The following CSGALNACT1 variants were observed in gnomAD, a reference collection of about 807,000 sequenced individuals.
CSGALNACT1 encodes chondroitin sulfate N-acetylgalactosaminyltransferase 1, also known as beta4GalNAcT-1.
In CSGALNACT1, 52 loss-of-function variants were observed where a neutral mutation model predicts 51.0. The observed-to-expected ratio is 1.02, with a 90% confidence interval of 0.82 to 1.29. CSGALNACT1 has a LOEUF of 1.29. Ranked by LOEUF, CSGALNACT1 falls within the 50% of genes most tolerant of loss-of-function variation. The pLI is 0.00. For synonymous variants in CSGALNACT1, 341 were observed against 254.4 expected, an observed-to-expected ratio of 1.34 and a Z score of -3.24; for missense variants, 935 against 679.2, an observed-to-expected ratio of 1.38 and a Z score of -4.19.
intron 1 of CSGALNACT1, among the ~76,000 whole-genome samples, chr8:19,741,175 T>C (rs1351713958): frequency 6.6e-6 from 1 of 152,168 alleles, no homozygotes; most frequent in Non-Finnish European, 1.5e-5. Context: ...ACTTTAATCA[T>C]CTGCATGGAT....
intron 5 of CSGALNACT1, among the ~76,000 whole-genome samples, chr8:19,441,372 T>G (rs1036355598): frequency 6.6e-6 from 1 of 152,136 alleles, no homozygotes; most frequent in Non-Finnish European, 1.5e-5. Context: ...AAAACAGAGA[T>G]ATAGATCAAT....
At chr8:19,637,534 C>G (rs527403016) in intron 1 of CSGALNACT1, among the ~76,000 whole-genome samples, 1 of 152,294 alleles carries the variant, frequency 6.6e-6, no homozygotes, top group South Asian at 2.1e-4. Flanking sequence ...GCACTTAAAA[C>G]TTAATGTTAG....
chr8:19,553,582 C>T (rs190136977), intron 3 of CSGALNACT1, among the ~76,000 whole-genome samples: 1 of 131,386 alleles, frequency 7.6e-6, no homozygotes, highest in Non-Finnish European at 1.6e-5. Flanking sequence ...AAGCTCAAAC[C>T]ATATATATAT....
intron 3 of CSGALNACT1, among the ~76,000 whole-genome samples, chr8:19,547,565 C>T (rs757832892): frequency 6.0e-4 from 91 of 152,126 alleles, no homozygotes; most frequent in Non-Finnish European, 1.5e-4. Context: ...CCATGTAAGA[C>T]GTGCCTTTAG....
At chr8:19,479,225 A>G (rs952406723) in intron 4 of CSGALNACT1, among the ~76,000 whole-genome samples, 2 of 152,202 alleles carry the variant, frequency 1.3e-5, no homozygotes, top group African/African-American at 2.4e-5. Flanking sequence ...CCTTATATGA[A>G]GCTGGAATCA....
At chr8:19,659,499 A>G (rs7838462) in intron 1 of CSGALNACT1, among the ~76,000 whole-genome samples, 4,325 of 152,270 alleles carry the variant, frequency 0.028, 221 homozygotes, top group African/African-American at 0.097. Context: ...ACTATTTCCC[A>G]GGCATAGAAA....
chr8:19,731,443 G>A (rs755516467), intron 1 of CSGALNACT1, among the ~76,000 whole-genome samples: 2 of 152,110 alleles, frequency 1.3e-5, no homozygotes, highest in Non-Finnish European at 2.9e-5. Context: ...GGGAGGTGGA[G>A]GGTGCAGTGA....
At chr8:19,614,209 C>T (rs1267856358) in intron 1 of CSGALNACT1, among the ~76,000 whole-genome samples, 1 of 152,130 alleles carries the variant, frequency 6.6e-6, no homozygotes, top group Non-Finnish European at 1.5e-5. Flanking sequence ...ATTCAATACT[C>T]CTGACTGCCT....
intron 2 of CSGALNACT1, among the ~76,000 whole-genome samples, chr8:19,597,072 C>T (rs1210873915): frequency 1.3e-5 from 2 of 152,086 alleles, no homozygotes; most frequent in African/African-American, 4.8e-5. Flanking sequence ...CTAGGGACCA[C>T]ATATTAGTGG....
At chr8:19,606,853 C>A (rs2051444671), upstream of CSGALNACT1, among the ~76,000 whole-genome samples, 1 of 152,124 alleles carries the variant, frequency 6.6e-6, no homozygotes, top group Non-Finnish European at 1.5e-5. Flanking sequence ...TTTCCTTATA[C>A]TTTAAAGATT....
intron 1 of CSGALNACT1, among the ~76,000 whole-genome samples, chr8:19,694,015 C>A (rs1392903476): frequency 1.3e-5 from 2 of 151,916 alleles, no homozygotes; most frequent in Non-Finnish European, 2.9e-5. Context: ...TCATCCATAT[C>A]ATCAAATACA....
At chr8:19,674,586 C>A (rs2060034344) in intron 1 of CSGALNACT1, among the ~76,000 whole-genome samples, 1 of 152,072 alleles carries the variant, frequency 6.6e-6, no homozygotes, top group Non-Finnish European at 1.5e-5. Context: ...CCTACCACCG[C>A]AGAAGTCACT....
chr8:19,559,164 C>T (rs923046962), intron 3 of CSGALNACT1, among the ~76,000 whole-genome samples: 2 of 152,130 alleles, frequency 1.3e-5, no homozygotes, highest in African/African-American at 4.8e-5. Flanking sequence ...TAATGTCTCT[C>T]ATGAACATGG....
At chr8:19,567,055 G>GT (rs1408141187) in intron 3 of CSGALNACT1, among the ~76,000 whole-genome samples, 20 of 152,252 alleles carry the variant, frequency 1.3e-4, no homozygotes, top group Admixed American at 3.9e-4. Flanking sequence ...CTCCTAATGC[G>GT]TGAGTTTTCA....
chr8:19,609,370 T>C (rs2051860871), intron 1 of CSGALNACT1, among the ~76,000 whole-genome samples: 1 of 149,294 alleles, frequency 6.7e-6, no homozygotes, highest in African/African-American at 2.5e-5. Flanking sequence ...TAATGAAGTT[T>C]AAAAATATAG....
intron 3 of CSGALNACT1, among the ~76,000 whole-genome samples, chr8:19,586,087 G>A (rs1045587027): frequency 2.0e-5 from 3 of 152,172 alleles, no homozygotes; most frequent in Non-Finnish European, 4.4e-5. Context: ...ATGGGGCTGG[G>A]TGTGGTGGTT....
chr8:19,719,456 G>A (rs1194472348), intron 1 of CSGALNACT1, among the ~76,000 whole-genome samples: 5 of 152,242 alleles, frequency 3.3e-5, no homozygotes, highest in Admixed American at 6.5e-5. Flanking sequence ...CCAAAACTCA[G>A]GAGGCCTCAG....
intron 1 of CSGALNACT1, among the ~76,000 whole-genome samples, chr8:19,688,210 T>C: frequency 6.6e-6 from 1 of 152,188 alleles, no homozygotes; most frequent in East Asian, 1.9e-4. Flanking sequence ...TGGGCTGCTT[T>C]CCTCAATGGG....
exon 10 of CSGALNACT1, chr8:19,404,932 C>T (rs1029052752): frequency 2.2e-6 from 1 of 454,052 alleles, no homozygotes; most frequent in African/African-American, 2.0e-5. Context: ...CATTCCTTCC[C>T]TATGTCTCAA....
Sources: gnomAD v4.1 joint callset for allele counts (sites outside exome capture counted in the v4.1 genomes callset) on GRCh38, gnomAD v4.1.1 for gene constraint, MANE v1.5 for transcripts, NCBI Gene and HGNC (gene_info 2026-07-23, HGNC 2026-07-21) for gene names.